The following DENND5B variants were observed in gnomAD, a reference collection of about 807,000 sequenced individuals.
The protein encoded by DENND5B is DENN domain-containing protein 5B.
In DENND5B, 34 loss-of-function variants were observed where a neutral mutation model predicts 140.6. The observed-to-expected ratio is 0.24, with a 90% CI of 0.18 to 0.32. The LOEUF is 0.32. Ranked by LOEUF, DENND5B falls within the 10% of genes least tolerant of loss-of-function variation. The pLI, the probability that DENND5B is intolerant of heterozygous loss-of-function variation, is 1.00. For missense variants in DENND5B, 1,142 were observed against 1,560.2 expected, an observed-to-expected ratio of 0.73 and a Z score of 4.52; for synonymous variants, 551 against 562.1, an observed-to-expected ratio of 0.98 and a Z score of 0.28.
At chr12:31,459,896 G>GA (rs75027838) in intron 4 of DENND5B, among the ~76,000 whole-genome samples, 5 of 151,672 alleles carry the variant, frequency 3.3e-5, no homozygotes, top group Non-Finnish European at 5.9e-5. Flanking sequence ...CGTGAATAAA[G>GA]AAAAAAAATA....
At chr12:31,473,977 A>C (rs1945674580) in intron 3 of DENND5B, among the ~76,000 whole-genome samples, 1 of 152,208 alleles carries the variant, frequency 6.6e-6, no homozygotes, top group Non-Finnish European at 1.5e-5. Context: ...GTTGACCAGC[A>C]AAGTACTGTT....
chr12:31,542,179 T>C (rs1212293244), intron 1 of DENND5B, among the ~76,000 whole-genome samples: 1 of 151,450 alleles, frequency 6.6e-6, no homozygotes, highest in Non-Finnish European at 1.5e-5. Context: ...TCCCAGCTAC[T>C]CAGGAGGCTG....
intron 11 of DENND5B, among the ~76,000 whole-genome samples, chr12:31,420,831 CT>C (rs1252764822): frequency 6.6e-6 from 1 of 152,112 alleles, no homozygotes; most frequent in Non-Finnish European, 1.5e-5. Flanking sequence ...GAACTTCTTT[CT>C]CTGAAATAGG....
At chr12:31,425,462 A>G (rs1383333650) in intron 9 of DENND5B, among the ~76,000 whole-genome samples, 1 of 152,276 alleles carries the variant, frequency 6.6e-6, no homozygotes, top group Non-Finnish European at 1.5e-5. Flanking sequence ...GGTAAAAACC[A>G]GAATACAAAT....
At chr12:31,471,589 G>A (rs1945565894) in intron 3 of DENND5B, among the ~76,000 whole-genome samples, 1 of 151,338 alleles carries the variant, frequency 6.6e-6, no homozygotes, top group Non-Finnish European at 1.5e-5. Context: ...TGGCCAGGCT[G>A]GTCTTGAACT....
intron 7 of DENND5B, among the ~76,000 whole-genome samples, 181 bp from the exon 8 acceptor site, chr12:31,433,429 C>T (rs781530155): frequency 8.5e-5 from 13 of 152,096 alleles, no homozygotes; most frequent in South Asian, 2.1e-4. Flanking sequence ...TACAACCAAA[C>T]GGTTTTTAGT....
At chr12:31,429,755 G>A (rs1217261685) in intron 8 of DENND5B, among the ~76,000 whole-genome samples, 1 of 152,026 alleles carries the variant, frequency 6.6e-6, no homozygotes, top group Non-Finnish European at 1.5e-5. Context: ...TGCCCAGGCT[G>A]TAATGCAGTG....
chr12:31,516,282 CCTGGGCAA>C (rs1947640371), intron 1 of DENND5B, among the ~76,000 whole-genome samples: 1 of 151,878 alleles, frequency 6.6e-6, no homozygotes, highest in African/African-American at 2.4e-5. Context: ...TTGAGACCAG[CCTGGGCAA>C]CATGGCAAAA....
In DENND5B at chr12:31,496,537, T is replaced by G. The variant is rs948231714; in HGVS notation, c.128-618A>C. ...TTAAATTCATTATCTGGCAAAATTC[T>G]GGAAACATAAAAGTAGGCTACATTT... is the stretch of plus-strand genomic sequence containing the variant. On this transcript the variant is annotated intron_variant, in intron 1 of 20. Transcript: ENST00000389082. 4.7e-4 allele frequency among the ~76,000 whole-genome samples: 71 copies of G among 152,322 alleles called. 1 individual carries two copies. The highest frequency in any genetic ancestry group is 1.6e-3 in the African/African-American group (68 of 41,568).
chr12:31,495,937 T>C lies in DENND5B; in HGVS notation c.128-18A>G, dbSNP rs143208303. On this transcript the variant is annotated intron_variant, in intron 1 of 20. Coordinates refer to ENST00000389082, the MANE Select transcript of DENND5B (RefSeq NM_144973.4). ...ATTTTCGCCTACAACAAATAATACATAGTTAATATCTAGAACTTTTCCAAA... is the reference window on the plus strand; with the variant it reads ...ATTTTCGCCTACAACAAATAATACACAGTTAATATCTAGAACTTTTCCAAA... 4 of 1,540,902 alleles carry C rather than the reference T, an allele frequency of 2.6e-6. No homozygotes were observed. The African/African-American group carries it at 4.1e-5, about 16-fold the overall frequency.
Position 31,442,818 on chromosome 12 carries a change from T to C in DENND5B, c.1969A>G (p.Lys657Glu). ...QGKYEQGFFP[K>E]LQSDVLATGP... Reference sequence around the variant, plus strand: ...GTTGCCAAGACATCGGACTGTAACTTTGGAAAGAACCCCTGCTCATATTTG... The same window carrying C: ...GTTGCCAAGACATCGGACTGTAACTCTGGAAAGAACCCCTGCTCATATTTG... Residue 657 changes from lysine to glutamate, a missense_variant, in exon 7 of 21, where the codon AAG becomes GAG. Transcript: ENST00000389082. 1.2e-6 allele frequency: 2 copies of C among 1,613,822 alleles called. No homozygotes were observed. The highest frequency in any genetic ancestry group is 1.7e-6 in the Non-Finnish European group (2 of 1,179,852).
At chr12:31,443,044 TTGTGTG>T in intron 6 of DENND5B, 119 bp from the exon 7 acceptor site, 1 of 506,142 alleles carries the variant, frequency 2.0e-6, no homozygotes, top group Non-Finnish European at 3.4e-6. Context: ...GAAACAGATA[TTGTGTG>T]TGTGTGTGTG....
chr12:31,391,869 G>A (rs766646639), intron 19 of DENND5B, among the ~76,000 whole-genome samples: 2 of 152,072 alleles, frequency 1.3e-5, no homozygotes. Context: ...TGCCGGGCAC[G>A]ATGGCTCACT....
At chr12:31,514,966 A>AC (rs1555166756) in intron 1 of DENND5B, among the ~76,000 whole-genome samples, 28 of 151,740 alleles carry the variant, frequency 1.8e-4, no homozygotes, top group African/African-American at 6.8e-4. Context: ...AAAAAAAAAA[A>AC]TTTTTTTTTA....
intron 4 of DENND5B, among the ~76,000 whole-genome samples, chr12:31,456,687 TGA>T (rs1944794239): frequency 6.6e-6 from 1 of 152,232 alleles, no homozygotes; most frequent in Admixed American, 6.5e-5. Flanking sequence ...TATCCACAAA[TGA>T]GAGACTAATG....
intron 1 of DENND5B, among the ~76,000 whole-genome samples, chr12:31,586,367 T>C (rs1338808172): frequency 6.6e-6 from 1 of 152,212 alleles, no homozygotes; most frequent in East Asian, 1.9e-4. Context: ...AAAGTACCTC[T>C]TGAAAATATA....
At chr12:31,505,350 T>G (rs1135491) in intron 1 of DENND5B, among the ~76,000 whole-genome samples, 2 of 151,888 alleles carry the variant, frequency 1.3e-5, no homozygotes, top group East Asian at 3.9e-4. Flanking sequence ...GCAATTCTCC[T>G]GCCTCAGCCT....
At chr12:31,388,761 C>T (rs1387661014) in intron 20 of DENND5B, among the ~76,000 whole-genome samples, 3 of 152,130 alleles carry the variant, frequency 2.0e-5, no homozygotes, top group African/African-American at 7.2e-5. Context: ...AGGAAATAGT[C>T]TTAAAGAGAA....
intron 1 of DENND5B, among the ~76,000 whole-genome samples, chr12:31,575,272 T>C (rs1211085916): frequency 6.6e-6 from 1 of 152,208 alleles, no homozygotes; most frequent in African/African-American, 2.4e-5. Context: ...TTTAAACCTA[T>C]AACCAGCCAT....
Sources: allele counts gnomAD v4.1 joint callset (sites outside exome capture counted in the v4.1 genomes callset), GRCh38; gene constraint gnomAD v4.1.1; transcripts MANE v1.5; gene names NCBI Gene and HGNC (gene_info 2026-07-23, HGNC 2026-07-21).